Variants in AAK1 observed in about 807,000 individuals in gnomAD.
AAK1 encodes AP2-associated protein kinase 1.
A neutral mutation model predicts 116.0 loss-of-function variants in AAK1; 37 were observed. The ratio of observed to expected loss-of-function variants is 0.32; its 90% CI spans 0.25 to 0.42. The LOEUF (loss-of-function observed/expected upper bound fraction) is 0.42, where lower values mean the gene tolerates loss of function less well. Among genes scored for constraint, AAK1 ranks in the 10% least tolerant of loss-of-function variants. AAK1 has a pLI of 1.00. For synonymous variants in AAK1, 458 were observed against 439.9 expected, an observed-to-expected ratio of 1.04 and a Z score of -0.51; for missense variants, 919 against 1,170.6, an observed-to-expected ratio of 0.79 and a Z score of 3.14.
At chr2:69,490,059 T>C (rs964760723) in intron 17 of AAK1, among the ~76,000 whole-genome samples, 1 of 152,156 alleles carries the variant, frequency 6.6e-6, no homozygotes, top group African/African-American at 2.4e-5. Flanking sequence ...TGAATTGCCA[T>C]AAACCAAGAG....
At position 69,633,218 on chromosome 2, in the gene AAK1, C is replaced by CAAAAAA. The variant is rs199667063; in HGVS notation, c.163+9654_163+9659dup. ...TGGGCAACAGAGTGAGACTCTGTTTCAAAAAAAAAAAAAGGCCCCAAGAAA... is the reference window on the plus strand; with the variant it reads ...TGGGCAACAGAGTGAGACTCTGTTTCAAAAAAAAAAAAAAAAAAAGGCCCCAAGAAA... On this transcript the variant is annotated intron_variant, in intron 2 of 21. Coordinates refer to ENST00000409085, the MANE Select transcript of AAK1 (RefSeq NM_014911.5). Among the ~76,000 whole-genome samples the CAAAAAA allele has an allele frequency of 3.7e-3, 395 of 105,996 alleles. 4 individuals are homozygous for CAAAAAA. The highest frequency in any genetic ancestry group is 7.4e-3 in the East Asian group (30 of 4,052). 69.5% of individuals were successfully genotyped at this position (105,996 alleles called of 152,430 possible).
intron 10 of AAK1, among the ~76,000 whole-genome samples, chr2:69,523,474 C>A (rs1669879370): frequency 6.6e-6 from 1 of 152,192 alleles, no homozygotes; most frequent in Non-Finnish European, 1.5e-5. Context: ...TTTTAAGATA[C>A]AGGTGTTATT....
chr2:69,466,864 C>T lies in AAK1; in HGVS notation c.*9005G>A, dbSNP rs1355841396. 3.0e-6 allele frequency: 3 copies of T among 985,300 alleles called. No individual in the cohort carries two copies. The African/African-American group carries it at 5.2e-5, about 17-fold the overall frequency. 61.0% of individuals were successfully genotyped at this position (985,300 alleles called of 1,614,324 possible). ...GGGCCAGGCACGGACACCTGCTCTA[C>T]CTGGCACTGGCTCATTATGGAATGA... On this transcript the variant is annotated 3_prime_UTR_variant, in exon 22 of 22. Coordinates refer to ENST00000409085, the MANE Select transcript of AAK1 (RefSeq NM_014911.5).
intron 2 of AAK1, among the ~76,000 whole-genome samples, chr2:69,628,439 G>A (rs977801263): frequency 6.6e-6 from 1 of 152,142 alleles, no homozygotes; most frequent in Non-Finnish European, 1.5e-5. Context: ...ATCACCCGGT[G>A]ATCTCCTTAT....
intron 2 of AAK1, among the ~76,000 whole-genome samples, chr2:69,630,345 G>GGGGAGGGGGAGGGAGA (rs1171042177): frequency 4.5e-5 from 6 of 134,802 alleles, no homozygotes; most frequent in East Asian, 2.7e-4. Context: ...GGGGGTGGGG[G>GGGGAGGGGGAGGGAGA]GGGAGGGGGA....
chr2:69,549,349 A>C (rs1671076167), intron 3 of AAK1, among the ~76,000 whole-genome samples: 1 of 152,216 alleles, frequency 6.6e-6, no homozygotes, highest in Non-Finnish European at 1.5e-5. Flanking sequence ...AGCCTGGGTG[A>C]CAGAGTGAGA....
chr2:69,487,656 C>T (rs1020009834), intron 17 of AAK1, among the ~76,000 whole-genome samples: 11 of 152,134 alleles, frequency 7.2e-5, no homozygotes, highest in Non-Finnish European at 1.6e-4. Flanking sequence ...ACCAATGAAA[C>T]CCCCAAATTA....
At chr2:69,490,030 T>G (rs146866974) in intron 17 of AAK1, among the ~76,000 whole-genome samples, 7 of 152,328 alleles carry the variant, frequency 4.6e-5, no homozygotes, top group Non-Finnish European at 1.0e-4. Flanking sequence ...CTTCTCTTGC[T>G]TAACTTCTCA....
chr2:69,553,076 G>C (rs533525535), intron 3 of AAK1, among the ~76,000 whole-genome samples: 1 of 151,940 alleles, frequency 6.6e-6, no homozygotes, highest in Admixed American at 6.6e-5. Flanking sequence ...AGAAATTTCA[G>C]AAAAAGGGGA....
At chr2:69,614,280 G>A (rs1258413661) in intron 2 of AAK1, among the ~76,000 whole-genome samples, 2 of 152,128 alleles carry the variant, frequency 1.3e-5, no homozygotes, top group Non-Finnish European at 2.9e-5. Flanking sequence ...GAAAACAAAG[G>A]CAAGGAAGGA....
At position 69,469,152 on chromosome 2, in the gene AAK1, T is replaced by C; in HGVS notation, c.*6717A>G. The C allele has an allele frequency of 1.0e-6, 1 of 985,364 alleles. No homozygotes were observed. Among genetic ancestry groups the C allele is most frequent in the Non-Finnish European group, 1.2e-6 (1 of 829,932 alleles). The allele number at this position is 985,364 out of a possible 1,614,324, so 61.0% of individuals were successfully genotyped here. On this transcript the variant is annotated 3_prime_UTR_variant, in exon 22 of 22. Transcript: ENST00000409085. ...AGGCCAAGTCCCTTAACCTTTCTAT[T>C]CTTGTTAGAGGAGGTACAGTGTGGC...
intron 13 of AAK1, among the ~76,000 whole-genome samples, chr2:69,510,061 C>A (rs1215150454): frequency 6.6e-6 from 1 of 152,000 alleles, no homozygotes; most frequent in South Asian, 2.1e-4. Flanking sequence ...ATTTTAGGTT[C>A]GGGGGTACAT....
intron 20 of AAK1, chr2:69,478,728 G>A (rs1001355722): frequency 3.3e-5 from 14 of 418,250 alleles, no homozygotes; most frequent in African/African-American, 6.2e-5. Context: ...TGCTGGGATT[G>A]CAGGCCTGAG....
chr2:69,489,666 T>C (rs1294361029), intron 17 of AAK1, among the ~76,000 whole-genome samples: 1 of 152,120 alleles, frequency 6.6e-6, no homozygotes, highest in Non-Finnish European at 1.5e-5. Context: ...TCTGTCTGAG[T>C]TGGGGTGTAA....
Position 69,464,429 on chromosome 2 carries a change from T to C in AAK1, c.*11440A>G, listed in dbSNP as rs1426919372. On this transcript the variant is annotated 3_prime_UTR_variant, in exon 22 of 22. Transcript: ENST00000409085. ...ATTTGTTAATAGCAAAACAAGAAAT[T>C]CCGGAGAGAAAAAAGATTTACTCTG... The C allele has an allele frequency of 6.6e-6, 1 of 152,336 alleles. No individual in the cohort carries two copies. The highest frequency in any genetic ancestry group is 1.5e-5 in the Non-Finnish European group (1 of 68,030). The allele number at this position is 152,336 out of a possible 1,614,324, so 9.4% of individuals were successfully genotyped here. A position where few individuals can be genotyped will look rare whatever the true frequency, so the allele number is the denominator to read the frequency against.
intron 6 of AAK1, chr2:69,531,529 C>A: frequency 1.0e-6 from 1 of 972,796 alleles, no homozygotes; most frequent in Non-Finnish European, 1.2e-6. Context: ...ATTGGAGTCA[C>A]AAATCTAAAG....
At chr2:69,485,649 G>GA (rs1163029590) in intron 17 of AAK1, among the ~76,000 whole-genome samples, 1 of 151,664 alleles carries the variant, frequency 6.6e-6, no homozygotes, top group African/African-American at 2.4e-5. Flanking sequence ...AGGAATTGAA[G>GA]AAAATCTCTC....
rs750018772 is a variant in AAK1, at chr2:69,525,108, G to C, written c.980C>G (p.Ser327Cys). The C allele has an allele frequency of 6.2e-7, 1 of 1,613,742 alleles. No homozygotes were observed. The highest frequency in any genetic ancestry group is 1.3e-5 in the African/African-American group (1 of 74,922). The change falls in exon 10 of 22, where the codon TCT (serine) becomes TGT (cysteine). Residue 327 changes from serine to cysteine, a missense_variant. This residue lies in a region of AAK1 where 317 missense variants were observed against 490.4 expected (regional missense o/e 0.65). Coordinates refer to ENST00000409085, the MANE Select transcript of AAK1 (RefSeq NM_014911.5). ...KECPIPNVQN[S>C]PIPAKLPEPV... ...TTCAGGAAGCTTTGCAGGAATGGGA[G>C]AGTTCTATAGAATTGCAAACAAAAC...
chr2:69,478,577 C>T (rs572285911), intron 20 of AAK1: 161 of 227,380 alleles, frequency 7.1e-4, no homozygotes, highest in African/African-American at 3.5e-3. Context: ...CTCAGTCTCC[C>T]GAGAAGCTGG....
Sources: allele counts gnomAD v4.1 joint callset (sites outside exome capture counted in the v4.1 genomes callset), GRCh38; gene constraint gnomAD v4.1.1; regional missense constraint gnomAD v4.1.1; transcripts MANE v1.5; gene names NCBI Gene and HGNC (gene_info 2026-07-23, HGNC 2026-07-21).